The following CASP9 variants were observed in gnomAD, a reference collection of about 807,000 sequenced individuals.
The protein encoded by CASP9 is caspase 9.
In CASP9, 29 loss-of-function variants were observed where a neutral mutation model predicts 43.5. That is an observed-to-expected ratio of 0.67 (90% CI 0.50 to 0.91). The LOEUF (loss-of-function observed/expected upper bound fraction) is 0.91. CASP9 is among the 40% of genes least tolerant of loss of function. The pLI is 0.00. For missense variants in CASP9, 575 were observed against 537.4 expected, an observed-to-expected ratio of 1.07 and a Z score of -0.69; for synonymous variants, 206 against 211.9, an observed-to-expected ratio of 0.97 and a Z score of 0.24.
At chr1:15,501,630 C>A (rs760353764) in intron 6 of CASP9, among the ~76,000 whole-genome samples, 1 of 152,290 alleles carries the variant, frequency 6.6e-6, no homozygotes, top group African/African-American at 2.4e-5. Flanking sequence ...ACGCAGCCTG[C>A]GGAGGCAAAG....
Position 15,494,004 on chromosome 1 carries a change from T to A in CASP9, c.1049-3A>T, listed in dbSNP as rs746155686. 3.2e-6 allele frequency: 5 copies of A among 1,579,234 alleles called. No individual in the cohort carries two copies. The highest frequency in any genetic ancestry group is 3.4e-6 in the Non-Finnish European group (4 of 1,162,980). Reference sequence around the variant, plus strand: ...GGGGTCCCTCCAGGAAACAAAACCTTTGGAGGGAGGAGGGCTGAACACTGC... The same window carrying A: ...GGGGTCCCTCCAGGAAACAAAACCTATGGAGGGAGGAGGGCTGAACACTGC... On this transcript the variant is annotated splice_polypyrimidine_tract_variant and splice_region_variant and intron_variant, in intron 7 of 8. Transcript: ENST00000333868.
intron 6 of CASP9, among the ~76,000 whole-genome samples, chr1:15,501,400 A>C (rs1709323309): frequency 6.6e-6 from 1 of 151,780 alleles, no homozygotes; most frequent in Admixed American, 6.6e-5. Flanking sequence ...ATTTATTATT[A>C]TATTTAAATT....
intron 6 of CASP9, among the ~76,000 whole-genome samples, chr1:15,501,529 C>T (rs1302106378): frequency 1.3e-5 from 2 of 152,126 alleles, no homozygotes; most frequent in Admixed American, 1.3e-4. Flanking sequence ...ACAGACCCCT[C>T]GCCAGGCACT....
rs535199815 is a variant in CASP9 at position 15,523,886 on chromosome 1, T to C, written c.132+183A>G. Among the ~76,000 whole-genome samples the C allele has an allele frequency of 1.1e-3, 151 of 138,144 alleles. 1 individual carries two copies. Among genetic ancestry groups the C allele is most frequent in the African/African-American group, 4.4e-3 (146 of 33,478 alleles). The allele number at this position is 138,144 out of a possible 152,430, so 90.6% of individuals were successfully genotyped here. On this transcript the variant is annotated intron_variant, in intron 1 of 8. Coordinates refer to ENST00000333868, the MANE Select transcript of CASP9 (RefSeq NM_001229.5). ...ACACAAGAAACACAAGCACTAACAG[T>C]GTACGCTGACTGAGTATGGCATGGA...
At chr1:15,509,894 A>C (rs555166477) in intron 2 of CASP9, among the ~76,000 whole-genome samples, 1 of 152,322 alleles carries the variant, frequency 6.6e-6, no homozygotes, top group South Asian at 2.1e-4. Flanking sequence ...TCCGTTAGCA[A>C]GAAGTTGACT....
intron 6 of CASP9, among the ~76,000 whole-genome samples, chr1:15,501,530 G>A (rs926142849): frequency 3.3e-5 from 5 of 152,070 alleles, no homozygotes; most frequent in Non-Finnish European, 5.9e-5. Context: ...CAGACCCCTC[G>A]CCAGGCACTA....
chr1:15,506,397 A>C (rs756916858), intron 4 of CASP9, among the ~76,000 whole-genome samples: 4 of 152,046 alleles, frequency 2.6e-5, no homozygotes, highest in Admixed American at 1.3e-4. Flanking sequence ...TGGAGGTTGC[A>C]GTGAGCCGAG....
intron 6 of CASP9, among the ~76,000 whole-genome samples, chr1:15,497,653 A>AT (rs567822976): frequency 0.15 from 18,973 of 127,296 alleles, 1,278 homozygotes; most frequent in Middle Eastern, 0.19. Context: ...AGAAAAAAAA[A>AT]AAAAAGATAT....
chr1:15,503,292 G>A (rs565862645), intron 6 of CASP9, among the ~76,000 whole-genome samples: 1 of 152,264 alleles, frequency 6.6e-6, no homozygotes, highest in Non-Finnish European at 1.5e-5. Flanking sequence ...TCAGGAGGCT[G>A]AGGTGGGAGG....
At chr1:15,516,038 C>A (rs947556167) in intron 2 of CASP9, among the ~76,000 whole-genome samples, 1 of 151,992 alleles carries the variant, frequency 6.6e-6, no homozygotes, top group Non-Finnish European at 1.5e-5. Flanking sequence ...CCCATCTCTA[C>A]TAAAAATACA....
intron 2 of CASP9, among the ~76,000 whole-genome samples, chr1:15,511,406 A>ATTT (rs35550418): frequency 7.0e-6 from 1 of 143,434 alleles, no homozygotes; most frequent in Non-Finnish European, 1.5e-5. Context: ...ACCACACCTA[A>ATTT]TTTTTTTTTT....
Position 15,495,440 on chromosome 1 carries a change from T to C in CASP9, c.881A>G (p.His294Arg). 6.3e-7 allele frequency: 1 copy of C among 1,594,794 alleles called. No individual in the cohort carries two copies. Among genetic ancestry groups the C allele is most frequent in the Non-Finnish European group, 8.5e-7 (1 of 1,170,990 alleles). The change falls in exon 7 of 9, where the codon CAT becomes CGT. Residue 294 changes from histidine (H) to arginine (R), a missense_variant. Physicochemically the swap from His to Arg is conservative, Grantham distance 29. Coordinates refer to ENST00000333868, the MANE Select transcript of CASP9 (RefSeq NM_001229.5). ...GGAAGTGGAGGCCACCTCAAACCCA[T>C]GGTCTTTCTGCTCTGCAGGAAGCAG... is the stretch of plus-strand genomic sequence containing the variant. ...IQACGGEQKD[H>R]GFEVASTSPE...
chr1:15,516,201 T>TA (rs776370188), intron 2 of CASP9, among the ~76,000 whole-genome samples: 2,511 of 127,248 alleles, frequency 0.02, 47 homozygotes, highest in African/African-American at 0.06. Context: ...GACTCCCTCT[T>TA]AAAAAAAAAA....
At chr1:15,493,196 T>C in intron 8 of CASP9, 161 bp from the exon 9 acceptor site, 1 of 1,423,164 alleles carries the variant, frequency 7.0e-7, no homozygotes, top group Non-Finnish European at 9.1e-7. Flanking sequence ...GCACCTCAAC[T>C]TTACCTTTAA....
At chr1:15,515,223 T>A (rs926074939) in intron 2 of CASP9, among the ~76,000 whole-genome samples, 3 of 152,222 alleles carry the variant, frequency 2.0e-5, no homozygotes, top group Non-Finnish European at 2.9e-5. Flanking sequence ...GAGCTTTGTA[T>A]TCTGCCTGCC....
intron 6 of CASP9, 83 bp downstream of exon 6, chr1:15,504,528 G>A: frequency 1.4e-6 from 2 of 1,441,896 alleles, no homozygotes; most frequent in African/African-American, 1.4e-5. Context: ...CATGGGCCCT[G>A]TGAGGGGCAG....
chr1:15,504,746 G>A lies in CASP9; in HGVS notation c.733C>T (p.Gln245Ter). The change falls in exon 6 of 9, where the codon CAG (glutamine) becomes TAG (stop). Residue 245 changes from glutamine to a stop codon, truncating the protein, a stop_gained. Transcript: ENST00000333868. LOFTEE classifies it high-confidence loss of function. ...LSHGCQASHL[Q>*]FPGAVYGTDG... The stretch of plus-strand genomic sequence containing the variant: ...GTGCCGTAGACAGCCCCTGGGAACT[G>A]CAGGTGGCTGGCCTAGAAGACCAAG... 3.7e-6 allele frequency: 6 copies of A among 1,612,932 alleles called. No individual in the cohort carries two copies. Among genetic ancestry groups the A allele is most frequent in the Non-Finnish European group, 5.1e-6 (6 of 1,179,548 alleles).
At chr1:15,521,202 G>A (rs1323865980) in intron 1 of CASP9, among the ~76,000 whole-genome samples, 3 of 151,328 alleles carry the variant, frequency 2.0e-5, no homozygotes, top group Non-Finnish European at 4.4e-5. Flanking sequence ...CCCGGAAGGT[G>A]GAGGTTGCAG....
intron 2 of CASP9, among the ~76,000 whole-genome samples, chr1:15,513,414 G>GCAGTT (rs2103364618): frequency 6.6e-6 from 1 of 152,220 alleles, no homozygotes; most frequent in East Asian, 1.9e-4. Flanking sequence ...GCTGGAACAA[G>GCAGTT]CAGTTACACA....
Sources: gnomAD v4.1 joint callset for allele counts (sites outside exome capture counted in the v4.1 genomes callset) on GRCh38, gnomAD v4.1.1 for gene constraint, MANE v1.5 for transcripts, NCBI Gene and HGNC (gene_info 2026-07-23, HGNC 2026-07-21) for gene names.